MACROD2: variants seen among roughly 807,000 people sequenced by gnomAD.
The protein encoded by MACROD2 is mono-ADP ribosylhydrolase 2.
MACROD2 carries 36 observed loss-of-function variants against 70.4 expected under a neutral mutation model. The ratio of observed to expected loss-of-function variants is 0.51; its 90% confidence interval spans 0.39 to 0.68. The LOEUF is 0.68. Ranked by LOEUF, MACROD2 falls within the 30% of genes least tolerant of loss-of-function variation. MACROD2 has a pLI of 0.00. For missense variants in MACROD2, 496 were observed against 538.4 expected (o/e 0.92, Z 0.78); for synonymous variants, 172 against 178.8 (o/e 0.96, Z 0.30).
intron 2 of MACROD2, among the ~76,000 whole-genome samples, chr20:14,070,386 TTGAC>T (rs1463035884): frequency 6.6e-6 from 1 of 151,958 alleles, no homozygotes; most frequent in Non-Finnish European, 1.5e-5. Flanking sequence ...GGTGTGGAGA[TTGAC>T]TGGCTGGTTT....
chr20:14,753,770 A>G (rs2071905590), intron 5 of MACROD2, among the ~76,000 whole-genome samples: 1 of 152,120 alleles, frequency 6.6e-6, no homozygotes, highest in Admixed American at 6.5e-5. Context: ...GTAATATCAG[A>G]CCATAAAAGA....
intron 4 of MACROD2, among the ~76,000 whole-genome samples, chr20:14,577,799 G>GAAGAGAAGAGAAGAGAA (rs756109471): frequency 7.4e-6 from 1 of 135,300 alleles, no homozygotes; most frequent in Non-Finnish European, 1.5e-5. Context: ...AAAGGAAAGA[G>GAAGAGAAGAGAAGAGAA]AAGAGAAGAG....
chr20:15,406,635 T>A (rs568053187), intron 6 of MACROD2, among the ~76,000 whole-genome samples: 28 of 152,302 alleles, frequency 1.8e-4, no homozygotes, highest in Non-Finnish European at 3.2e-4. Flanking sequence ...GGCAGACATG[T>A]ATCATTTTGC....
At chr20:14,087,802 G>A (rs1415118933) in intron 3 of MACROD2, among the ~76,000 whole-genome samples, 2 of 151,940 alleles carry the variant, frequency 1.3e-5, no homozygotes, top group African/African-American at 4.8e-5. Flanking sequence ...TAATGTATAT[G>A]CCCTAAATTC....
At chr20:15,833,689 T>G (rs1344657753) in intron 8 of MACROD2, among the ~76,000 whole-genome samples, 6 of 152,228 alleles carry the variant, frequency 3.9e-5, no homozygotes, top group African/African-American at 1.4e-4. Flanking sequence ...AATAAAGGTT[T>G]AAAGCAGCCA....
chr20:15,693,183 T>C (rs1418230239), intron 8 of MACROD2, among the ~76,000 whole-genome samples: 1 of 152,182 alleles, frequency 6.6e-6, no homozygotes, highest in Non-Finnish European at 1.5e-5. Context: ...AATGGACTAA[T>C]AGAGCTTGAA....
intron 8 of MACROD2, among the ~76,000 whole-genome samples, chr20:15,548,931 G>T (rs1368175368): frequency 6.6e-6 from 1 of 152,094 alleles, no homozygotes; most frequent in Non-Finnish European, 1.5e-5. Context: ...CTCTCAGTCC[G>T]GGATGTGAGC....
intron 8 of MACROD2, among the ~76,000 whole-genome samples, chr20:15,854,582 A>T (rs141576057): frequency 6.6e-6 from 1 of 152,278 alleles, no homozygotes; most frequent in East Asian, 1.9e-4. Flanking sequence ...AAACTGTGAG[A>T]TAATAAAGTG....
At chr20:14,081,119 C>T (rs1422719024) in intron 2 of MACROD2, among the ~76,000 whole-genome samples, 2 of 152,184 alleles carry the variant, frequency 1.3e-5, no homozygotes, top group African/African-American at 4.8e-5. Flanking sequence ...AAATCTCTTA[C>T]CCTTGATATC....
At chr20:15,943,006 T>C (rs1188877988) in intron 12 of MACROD2, among the ~76,000 whole-genome samples, 2 of 152,210 alleles carry the variant, frequency 1.3e-5, no homozygotes, top group Admixed American at 1.3e-4. Context: ...ATTGCTGTTT[T>C]TGGTATTTAT....
At chr20:14,391,171 A>G (rs932001162) in intron 3 of MACROD2, among the ~76,000 whole-genome samples, 3 of 152,236 alleles carry the variant, frequency 2.0e-5, no homozygotes, top group Non-Finnish European at 2.9e-5. Context: ...ATACATGCAC[A>G]TGTATGTTCA....
At chr20:14,103,389 G>A (rs2054324857) in intron 3 of MACROD2, among the ~76,000 whole-genome samples, 1 of 152,158 alleles carries the variant, frequency 6.6e-6, no homozygotes, top group Non-Finnish European at 1.5e-5. Flanking sequence ...TTTGTTCCAT[G>A]TTTTTAGAGA....
intron 3 of MACROD2, among the ~76,000 whole-genome samples, chr20:14,292,536 C>T (rs549961532): frequency 1.3e-4 from 19 of 151,960 alleles, no homozygotes; most frequent in South Asian, 1.0e-3. Context: ...TTATGTATGC[C>T]CTGGGCTATA....
intron 8 of MACROD2, among the ~76,000 whole-genome samples, chr20:15,822,568 T>A (rs960216165): frequency 6.6e-6 from 1 of 152,152 alleles, no homozygotes; most frequent in African/African-American, 2.4e-5. Context: ...GTAACAAATG[T>A]AAATTTTTAC....
intron 8 of MACROD2, among the ~76,000 whole-genome samples, chr20:15,635,215 C>G (rs1476138831): frequency 6.6e-6 from 1 of 152,134 alleles, no homozygotes; most frequent in Non-Finnish European, 1.5e-5. Flanking sequence ...ATAGTCATAA[C>G]CACATAAATG....
chr20:15,741,261 T>A (rs1032223306), intron 8 of MACROD2, among the ~76,000 whole-genome samples: 1 of 150,488 alleles, frequency 6.6e-6, no homozygotes, highest in Non-Finnish European at 1.5e-5. Flanking sequence ...CCGGCTAATT[T>A]TTTTTTTTTT....
At chr20:14,792,344 C>T (rs1731525557) in intron 5 of MACROD2, among the ~76,000 whole-genome samples, 1 of 152,086 alleles carries the variant, frequency 6.6e-6, no homozygotes, top group Non-Finnish European at 1.5e-5. Context: ...CCATTTCTCT[C>T]TCCTACTTGA....
chr20:14,244,805 G>T (rs2081956346), intron 3 of MACROD2, among the ~76,000 whole-genome samples: 1 of 152,130 alleles, frequency 6.6e-6, no homozygotes, highest in African/African-American at 2.4e-5. Flanking sequence ...GGCTCTTTGT[G>T]GGTCCTCAGT....
At chr20:15,408,315 T>C (rs953902012) in intron 6 of MACROD2, among the ~76,000 whole-genome samples, 1 of 152,208 alleles carries the variant, frequency 6.6e-6, no homozygotes, top group Admixed American at 6.5e-5. Context: ...AGGTTCTGGC[T>C]GTGCAGAGTG....
Sources: gnomAD v4.1 joint callset for allele counts (sites outside exome capture counted in the v4.1 genomes callset) on GRCh38, gnomAD v4.1.1 for gene constraint, MANE v1.5 for transcripts, NCBI Gene and HGNC (gene_info 2026-07-23, HGNC 2026-07-21) for gene names.